CNTN4: variants seen among roughly 807,000 people sequenced by gnomAD.
CNTN4 encodes contactin 4, also known as contactin-4.
CNTN4 carries 77 observed loss-of-function variants against 122.5 expected under a neutral mutation model. That is an observed-to-expected ratio of 0.63 (90% CI 0.52 to 0.76). The LOEUF (loss-of-function observed/expected upper bound fraction) is 0.76, where lower values mean the gene tolerates loss of function less well. CNTN4 is among the 30% of genes least tolerant of loss of function. The pLI, the probability that CNTN4 is intolerant of heterozygous loss-of-function variation, is 0.00. For synonymous variants in CNTN4, 512 were observed against 447.0 expected, an observed-to-expected ratio of 1.15 and a Z score of -1.83; for missense variants, 1,256 against 1,259.1, an observed-to-expected ratio of 1.00 and a Z score of 0.04.
At chr3:2,672,260 A>G (rs1276064985) in intron 4 of CNTN4, among the ~76,000 whole-genome samples, 1 of 152,166 alleles carries the variant, frequency 6.6e-6, no homozygotes, top group Non-Finnish European at 1.5e-5. Context: ...GGTGGGCTCC[A>G]CCCAGTTCGA....
intron 13 of CNTN4, among the ~76,000 whole-genome samples, chr3:2,967,805 G>A (rs1692481221): frequency 6.6e-6 from 1 of 151,218 alleles, no homozygotes; most frequent in Admixed American, 6.6e-5. Context: ...TGGAAAGAAA[G>A]GCATTTTGTT....
At chr3:2,332,401 T>C (rs73807724) in intron 2 of CNTN4, among the ~76,000 whole-genome samples, 384 of 152,224 alleles carry the variant, frequency 2.5e-3, no homozygotes, top group African/African-American at 8.8e-3. Context: ...CAGGATGCTT[T>C]CAACTTAGTC....
At chr3:2,909,621 A>T (rs2094277413) in intron 12 of CNTN4, among the ~76,000 whole-genome samples, 1 of 152,138 alleles carries the variant, frequency 6.6e-6, no homozygotes, top group East Asian at 1.9e-4. Flanking sequence ...ATTTTTCCTT[A>T]AAGCTCCCCA....
intron 4 of CNTN4, among the ~76,000 whole-genome samples, chr3:2,654,909 T>G (rs1209671054): frequency 6.6e-6 from 1 of 152,128 alleles, no homozygotes; most frequent in Non-Finnish European, 1.5e-5. Flanking sequence ...AGGGAAGGAA[T>G]TTGACTCCTT....
chr3:2,526,727 C>G (rs759039861), intron 3 of CNTN4, among the ~76,000 whole-genome samples: 1 of 152,034 alleles, frequency 6.6e-6, no homozygotes, highest in Non-Finnish European at 1.5e-5. Context: ...ATAAAAATAT[C>G]TTCCCTGAGG....
intron 2 of CNTN4, among the ~76,000 whole-genome samples, chr3:2,121,848 C>T (rs2033803194): frequency 6.6e-6 from 1 of 151,962 alleles, no homozygotes; most frequent in Non-Finnish European, 1.5e-5. Flanking sequence ...CTGAACTTTC[C>T]ATTTCAGTTT....
At chr3:2,435,184 A>G (rs562388980) in intron 3 of CNTN4, among the ~76,000 whole-genome samples, 12 of 152,260 alleles carry the variant, frequency 7.9e-5, no homozygotes, top group Non-Finnish European at 1.5e-4. Flanking sequence ...CAATTCATAA[A>G]CTTCTAAAAA....
chr3:2,707,045 G>C (rs1355252881), intron 4 of CNTN4, among the ~76,000 whole-genome samples: 1 of 151,942 alleles, frequency 6.6e-6, no homozygotes, highest in Non-Finnish European at 1.5e-5. Flanking sequence ...CATGCTTGTA[G>C]TCCCAGCACT....
At chr3:2,212,137 A>T (rs1256308186) in intron 2 of CNTN4, among the ~76,000 whole-genome samples, 1 of 150,540 alleles carries the variant, frequency 6.6e-6, no homozygotes, top group South Asian at 2.1e-4. Context: ...ATACCTGGCT[A>T]TTTTTTTTTG....
chr3:2,226,924 A>G (rs2039306580), intron 2 of CNTN4, among the ~76,000 whole-genome samples: 1 of 152,164 alleles, frequency 6.6e-6, no homozygotes, highest in South Asian at 2.1e-4. Context: ...AGCTGTGATC[A>G]TTATTTCCAT....
chr3:2,272,761 C>G (rs917316642), intron 2 of CNTN4, among the ~76,000 whole-genome samples: 2 of 151,746 alleles, frequency 1.3e-5, no homozygotes, highest in African/African-American at 2.4e-5. Flanking sequence ...CTTATGGTTT[C>G]TCATTTATTG....
intron 3 of CNTN4, among the ~76,000 whole-genome samples, chr3:2,488,451 TTG>T (rs2076225419): frequency 6.6e-6 from 1 of 151,912 alleles, no homozygotes; most frequent in Non-Finnish European, 1.5e-5. Context: ...TGAGTGAGTG[TTG>T]GGGGGTGTGT....
Position 2,833,937 on chromosome 3 carries a change from C to G in CNTN4, c.454+14356C>G, listed in dbSNP as rs377710262. On this transcript the variant is annotated intron_variant, in intron 7 of 24. Coordinates refer to ENST00000418658, the MANE Select transcript of CNTN4 (RefSeq NM_175607.3). The stretch of plus-strand genomic sequence containing the variant: ...GGCGGATCACTTGAGGTCAGGAAAT[C>G]GAGACCATCCTGGCTAACACGGTGA... Among the ~76,000 whole-genome samples, 18 of 151,794 alleles carry G rather than the reference C, an allele frequency of 1.2e-4. No individual in the cohort carries two copies. In the East Asian group the frequency reaches 2.0e-3, roughly 16 times the overall value.
chr3:2,851,471 C>T (rs7636234), intron 7 of CNTN4, among the ~76,000 whole-genome samples: 42,198 of 152,124 alleles, frequency 0.28, 5,947 homozygotes, highest in Non-Finnish European at 0.31. Context: ...TCCTCTGAGT[C>T]TCTGGCATTC....
At position 2,988,811 on chromosome 3, in the gene CNTN4, C is replaced by A. The variant is rs117542417; in HGVS notation, c.1486+339C>A. 263 of 285,154 alleles carry A rather than the reference C, an allele frequency of 9.2e-4. 1 individual carries two copies. In the East Asian group the frequency reaches 0.018, roughly 20 times the overall value. 17.7% of individuals were successfully genotyped at this position (285,154 alleles called of 1,614,324 possible). A position where few individuals can be genotyped will look rare whatever the true frequency, so the allele number is the denominator to read the frequency against. ...GAAATTCATGTCTAGGAACACTATT[C>A]CAACAAATTAAAAACTCAAGACTCA... On this transcript the variant is annotated intron_variant, in intron 14 of 24. Transcript: ENST00000418658.
Position 3,042,287 on chromosome 3 carries a change from A to G in CNTN4, c.2399-23A>G, listed in dbSNP as rs762388913. On this transcript the variant is annotated intron_variant, in intron 20 of 24. Coordinates refer to ENST00000418658, the MANE Select transcript of CNTN4 (RefSeq NM_175607.3). The stretch of plus-strand genomic sequence containing the variant: ...TCCTAATATAGCTGATAGAGTAATA[A>G]CTATCTCCATATTCATCTACAGAAC... The G allele has an allele frequency of 5.4e-6, 8 of 1,480,886 alleles. No individual in the cohort carries two copies. In the South Asian group the frequency reaches 6.8e-5, roughly 13 times the overall value. 91.7% of individuals were successfully genotyped at this position (1,480,886 alleles called of 1,614,324 possible).
chr3:2,326,933 T>A (rs748103455), intron 2 of CNTN4, among the ~76,000 whole-genome samples: 30 of 152,192 alleles, frequency 2.0e-4, no homozygotes, highest in Non-Finnish European at 4.0e-4. Flanking sequence ...TAAATCAATT[T>A]TCTACCTATA....
chr3:2,798,379 A>ATCTATCTATCTATCTATCTG (rs1363076423), intron 6 of CNTN4, among the ~76,000 whole-genome samples: 4 of 150,490 alleles, frequency 2.7e-5, no homozygotes, highest in African/African-American at 9.7e-5. Flanking sequence ...CTATCTATCT[A>ATCTATCTATCTATCTATCTG]TCTATCTATC....
At chr3:2,453,906 A>C (rs905086292) in intron 3 of CNTN4, among the ~76,000 whole-genome samples, 1 of 152,068 alleles carries the variant, frequency 6.6e-6, no homozygotes, top group African/African-American at 2.4e-5. Context: ...GTATTTATAA[A>C]ACTACAATTA....
Sources: gnomAD v4.1 joint callset for allele counts (sites outside exome capture counted in the v4.1 genomes callset) on GRCh38, gnomAD v4.1.1 for gene constraint, MANE v1.5 for transcripts, NCBI Gene and HGNC (gene_info 2026-07-23, HGNC 2026-07-21) for gene names.